Variants in C1orf50 observed in about 807,000 individuals in gnomAD.
C1orf50 encodes the protein chromosome 1 open reading frame 50, also known as uncharacterized protein C1orf50.
C1orf50 carries 22 observed loss-of-function variants against 23.3 expected under a neutral mutation model. That is an observed-to-expected ratio of 0.94 (90% CI 0.67 to 1.35). The LOEUF (loss-of-function observed/expected upper bound fraction) is 1.35, where lower values mean the gene tolerates loss of function less well. Among genes scored for constraint, C1orf50 ranks in the 40% most tolerant of loss-of-function variants. C1orf50 has a pLI of 0.00. For missense variants in C1orf50, 271 were observed against 249.4 expected (o/e 1.09, Z -0.58); for synonymous variants, 96 against 102.4 (o/e 0.94, Z 0.38).
chr1:42,771,779 G>T (rs1653227387), intron 2 of C1orf50, among the ~76,000 whole-genome samples: 1 of 151,920 alleles, frequency 6.6e-6, no homozygotes, highest in African/African-American at 2.4e-5. Flanking sequence ...GGAGTTCGAG[G>T]CCAGCCTGGC....
intron 2 of C1orf50, among the ~76,000 whole-genome samples, chr1:42,772,014 A>G (rs1008336013): frequency 6.6e-6 from 1 of 151,756 alleles, no homozygotes; most frequent in Non-Finnish European, 1.5e-5. Flanking sequence ...TTAATTTACT[A>G]TTAACGTGGC....
chr1:42,772,450 A>G (rs1653242901), intron 2 of C1orf50, among the ~76,000 whole-genome samples: 1 of 152,212 alleles, frequency 6.6e-6, no homozygotes. Flanking sequence ...AATTTGTCAC[A>G]TTAGTCTCTC....
intron 2 of C1orf50, among the ~76,000 whole-genome samples, chr1:42,770,275 A>C (rs909621879): frequency 1.3e-5 from 2 of 151,710 alleles, no homozygotes; most frequent in Non-Finnish European, 2.9e-5. Context: ...TTTTATATTA[A>C]CTCTTCAAAA....
At chr1:42,773,923 A>T (rs533339941) in intron 3 of C1orf50, among the ~76,000 whole-genome samples, 1 of 152,232 alleles carries the variant, frequency 6.6e-6, no homozygotes, top group South Asian at 2.1e-4. Flanking sequence ...CCCGGGTTCA[A>T]GCGATTCTCC....
Position 42,775,565 on chromosome 1 carries a change from C to T in C1orf50, c.*171C>T. The T allele has an allele frequency of 5.5e-6, 3 of 548,392 alleles. No individual in the cohort carries two copies. In the East Asian group the frequency reaches 8.6e-5, roughly 16 times the overall value. 34.0% of individuals were successfully genotyped at this position (548,392 alleles called of 1,614,324 possible). ...GACTTTTAATTGGGATGGGAATAATCATTGAGACAGAGTCACTGTCTTTCG... is the reference window on the plus strand; with the variant it reads ...GACTTTTAATTGGGATGGGAATAATTATTGAGACAGAGTCACTGTCTTTCG... On this transcript the variant is annotated 3_prime_UTR_variant, in exon 5 of 5. Coordinates refer to ENST00000372525, the MANE Select transcript of C1orf50 (RefSeq NM_024097.4).
intron 2 of C1orf50, among the ~76,000 whole-genome samples, chr1:42,771,462 G>A (rs1653219344): frequency 6.6e-6 from 1 of 152,150 alleles, no homozygotes; most frequent in South Asian, 2.1e-4. Context: ...AAATACAGAT[G>A]AAGTATTTCT....
At chr1:42,772,060 T>A (rs1377665966) in intron 2 of C1orf50, among the ~76,000 whole-genome samples, 1 of 152,114 alleles carries the variant, frequency 6.6e-6, no homozygotes, top group Non-Finnish European at 1.5e-5. Flanking sequence ...GCAACTTGCC[T>A]CATATTTCTG....
At chr1:42,770,683 C>T (rs955659496) in intron 2 of C1orf50, among the ~76,000 whole-genome samples, 6 of 152,284 alleles carry the variant, frequency 3.9e-5, no homozygotes, top group South Asian at 4.1e-4. Context: ...CCATCCGCTA[C>T]GGCCTCCCAA....
chr1:42,773,340 G>C, intron 2 of C1orf50: 2 of 390,386 alleles, frequency 5.1e-6, no homozygotes, highest in Middle Eastern at 7.3e-4. Flanking sequence ...AAATAGAAGA[G>C]AGCACTTAAC....
rs760954195 is a variant in C1orf50 at position 42,777,374 on chromosome 1, A to T, written c.*1980A>T. On this transcript the variant is annotated 3_prime_UTR_variant, in exon 5 of 5. Coordinates refer to ENST00000372525, the MANE Select transcript of C1orf50 (RefSeq NM_024097.4). ...CTCCCACAGTGCTGGCGTTTGAGCC[A>T]CCATACCTGGCCTGTTGGCAGAATT... 1 of 152,274 alleles carries T rather than the reference A, an allele frequency of 6.6e-6. No individual in the cohort carries two copies. 9.4% of individuals were successfully genotyped at this position (152,274 alleles called of 1,614,324 possible).
rs1490673220 is a variant in C1orf50, at chr1:42,779,335, C to T, written c.*3941C>T. ...AAGCTTGCAGTGAGCCGAGATTGCACCACTGCACTCCAACTTGGGCAACAG... is the reference window on the plus strand; with the variant it reads ...AAGCTTGCAGTGAGCCGAGATTGCATCACTGCACTCCAACTTGGGCAACAG... On this transcript the variant is annotated 3_prime_UTR_variant, in exon 5 of 5. Coordinates refer to ENST00000372525, the MANE Select transcript of C1orf50 (RefSeq NM_024097.4). 4.0e-5 allele frequency: 6 copies of T among 148,996 alleles called. No homozygotes were observed. The highest frequency in any genetic ancestry group is 7.4e-5 in the Non-Finnish European group (5 of 67,768). The allele number at this position is 148,996 out of a possible 1,614,324, so 9.2% of individuals were successfully genotyped here.
intron 2 of C1orf50, among the ~76,000 whole-genome samples, chr1:42,769,326 G>T (rs1473173043): frequency 4.0e-5 from 6 of 150,234 alleles, no homozygotes; most frequent in Non-Finnish European, 8.9e-5. Context: ...CGGGAGGATT[G>T]CCTGAGCTCA....
intron 2 of C1orf50, 90 bp downstream of exon 2, chr1:42,767,714 T>TG (rs148735273): frequency 8.5e-7 from 1 of 1,174,592 alleles, no homozygotes; most frequent in Non-Finnish European, 1.2e-6. Context: ...CCACCTATGG[T>TG]GGGGGTGGCA....
At position 42,772,441 on chromosome 1, in the gene C1orf50, A is replaced by C. The variant is rs1230888600; in HGVS notation, c.196-1122A>C. 2.6e-5 allele frequency among the ~76,000 whole-genome samples: 4 copies of C among 152,258 alleles called. No homozygotes were observed. The South Asian group carries it at 6.2e-4, about 24-fold the overall frequency. ...AGTGGTAATCCTTCCCAGCACATGA[A>C]TTTGTCACATTAGTCTCTCCTAGCT... On this transcript the variant is annotated intron_variant, in intron 2 of 4. Coordinates refer to ENST00000372525, the MANE Select transcript of C1orf50 (RefSeq NM_024097.4).
intron 4 of C1orf50, 28 bp downstream of exon 4, chr1:42,774,896 A>C (rs757522060): frequency 6.3e-6 from 10 of 1,592,152 alleles, no homozygotes; most frequent in Non-Finnish European, 6.0e-6. Context: ...TTGCCCAAAA[A>C]TCTACTCCAG....
At chr1:42,767,664 T>C in intron 2 of C1orf50, 40 bp downstream of exon 2, 1 of 1,543,770 alleles carries the variant, frequency 6.5e-7, no homozygotes, top group Non-Finnish European at 8.9e-7. Flanking sequence ...ACCATCTTCG[T>C]TCACGTTGTA....
At chr1:42,770,428 T>C (rs1158086683) in intron 2 of C1orf50, among the ~76,000 whole-genome samples, 1 of 151,786 alleles carries the variant, frequency 6.6e-6, no homozygotes, top group Non-Finnish European at 1.5e-5. Context: ...TCCTCCTTTC[T>C]TTCTTTCTTT....
intron 2 of C1orf50, among the ~76,000 whole-genome samples, chr1:42,768,702 A>C (rs1653147299): frequency 6.6e-6 from 1 of 152,018 alleles, no homozygotes; most frequent in Non-Finnish European, 1.5e-5. Context: ...TAATCAGATT[A>C]CTCTTATTGG....
chr1:42,778,534 G>A lies in C1orf50; in HGVS notation c.*3140G>A, dbSNP rs978103924. ...GTTTGTCTTTTGGGGGTTGGGGTAGGGTTCATTTTTGGATGGAGTTTATTT... is the reference window on the plus strand; with the variant it reads ...GTTTGTCTTTTGGGGGTTGGGGTAGAGTTCATTTTTGGATGGAGTTTATTT... On this transcript the variant is annotated 3_prime_UTR_variant, in exon 5 of 5. Coordinates refer to ENST00000372525, the MANE Select transcript of C1orf50 (RefSeq NM_024097.4). The A allele has an allele frequency of 6.6e-6, 1 of 152,102 alleles. No individual in the cohort carries two copies. The highest frequency in any genetic ancestry group is 1.5e-5 in the Non-Finnish European group (1 of 68,054). The allele number at this position is 152,102 out of a possible 1,614,324, so 9.4% of individuals were successfully genotyped here.
Sources: allele counts gnomAD v4.1 joint callset (sites outside exome capture counted in the v4.1 genomes callset), GRCh38; gene constraint gnomAD v4.1.1; transcripts MANE v1.5; gene names NCBI Gene and HGNC (gene_info 2026-07-23, HGNC 2026-07-21).